CAST: variants seen among roughly 807,000 people sequenced by gnomAD.
CAST encodes calpastatin.
A neutral mutation model predicts 119.6 loss-of-function variants in CAST; 76 were observed. That is an observed-to-expected ratio of 0.64 (90% CI 0.53 to 0.77). The LOEUF (loss-of-function observed/expected upper bound fraction) is 0.77, where lower values mean the gene tolerates loss of function less well. Among genes scored for constraint, CAST ranks in the 30% least tolerant of loss-of-function variants. The probability of loss-of-function intolerance (pLI) is 0.00; values close to 1 mark genes in which losing one functional copy is unlikely to be tolerated. For missense variants in CAST, 953 were observed against 946.5 expected (o/e 1.01, Z -0.09); for synonymous variants, 319 against 331.6 (o/e 0.96, Z 0.41).
At chr5:96,368,517 A>T in the CAST span, among the ~76,000 whole-genome samples, 1 of 149,774 alleles carries the variant, frequency 6.7e-6, no homozygotes, top group Non-Finnish European at 1.5e-5. Context: ...AAAAAAAAAC[A>T]AAAAAACCTA....
the CAST span, among the ~76,000 whole-genome samples, chr5:96,062,054 C>T: frequency 1.8e-4 from 28 of 152,086 alleles, no homozygotes; most frequent in Admixed American, 1.4e-3. Context: ...CCTTGAAATC[C>T]GCATGTATTC....
At chr5:96,375,470 GA>G in the CAST span, among the ~76,000 whole-genome samples, 1 of 151,060 alleles carries the variant, frequency 6.6e-6, no homozygotes, top group Non-Finnish European at 1.5e-5. Context: ...TTACTCTTAT[GA>G]GTTTACTACA....
intron 1 of CAST, among the ~76,000 whole-genome samples, chr5:96,603,759 CTTTTTTTTTTT>C (rs70981832): frequency 6.3e-5 from 5 of 79,498 alleles, no homozygotes; most frequent in East Asian, 4.6e-4. Context: ...GTGCTGTACT[CTTTTTTTTTTT>C]TTTTTTTTTT....
the CAST span, among the ~76,000 whole-genome samples, chr5:96,233,278 A>G: frequency 6.6e-6 from 1 of 152,202 alleles, no homozygotes; most frequent in Admixed American, 6.5e-5. Context: ...TGATTCCCTA[A>G]AACTTCAGAA....
the CAST span, among the ~76,000 whole-genome samples, chr5:96,193,082 A>C: frequency 6.6e-6 from 1 of 152,184 alleles, no homozygotes; most frequent in East Asian, 1.9e-4. Flanking sequence ...GTTTAATCAG[A>C]AAATTTAAGA....
chr5:96,300,761 A>G, the CAST span, among the ~76,000 whole-genome samples: 1 of 148,604 alleles, frequency 6.7e-6, no homozygotes, highest in Non-Finnish European at 1.5e-5. Context: ...TGTGTCTTCA[A>G]TTTTTTTCAT....
the CAST span, among the ~76,000 whole-genome samples, chr5:96,511,128 C>CA: frequency 6.6e-6 from 1 of 152,040 alleles, no homozygotes; most frequent in East Asian, 1.9e-4. Flanking sequence ...AAAACACATA[C>CA]AAAAAAACAA....
chr5:96,067,108 TAAAC>T, the CAST span, among the ~76,000 whole-genome samples: 2 of 152,206 alleles, frequency 1.3e-5, no homozygotes, highest in Non-Finnish European at 2.9e-5. Context: ...ATCTGTGGGA[TAAAC>T]AAATTTATAT....
the CAST span, among the ~76,000 whole-genome samples, chr5:96,429,875 A>G: frequency 1.6e-3 from 245 of 152,260 alleles, 1 homozygote; most frequent in African/African-American, 5.7e-3. Flanking sequence ...TGATGCTTCT[A>G]TTTTACACAC....
chr5:96,088,525 G>A, the CAST span, among the ~76,000 whole-genome samples: 1 of 152,160 alleles, frequency 6.6e-6, no homozygotes, highest in African/African-American at 2.4e-5. Context: ...AGCCTGTGAA[G>A]CCCAGGATTC....
the CAST span, among the ~76,000 whole-genome samples, chr5:96,387,088 T>C: frequency 6.6e-6 from 1 of 152,302 alleles, no homozygotes; most frequent in Middle Eastern, 3.4e-3. Flanking sequence ...TATGAGTAAA[T>C]AAGGCCCAGA....
the CAST span, among the ~76,000 whole-genome samples, chr5:96,337,893 C>T: frequency 6.6e-6 from 1 of 152,188 alleles, no homozygotes; most frequent in Non-Finnish European, 1.5e-5. Context: ...TAACAGAATA[C>T]CTCTAACATT....
At chr5:96,638,379 C>G (rs1747909029) in intron 1 of CAST, among the ~76,000 whole-genome samples, 1 of 152,092 alleles carries the variant, frequency 6.6e-6, no homozygotes, top group African/African-American at 2.4e-5. Flanking sequence ...GCACTCCAGC[C>G]TAGGCAACAG....
intron 1 of CAST, among the ~76,000 whole-genome samples, chr5:96,544,708 TA>T (rs1287394191): frequency 6.6e-6 from 1 of 151,728 alleles, no homozygotes; most frequent in Non-Finnish European, 1.5e-5. Flanking sequence ...TTTAGAAAAA[TA>T]AGTGCAATGA....
At chr5:96,761,663 A>T (rs1239563537) in intron 24 of CAST, 1 of 152,300 alleles carries the variant, frequency 6.6e-6, no homozygotes, top group East Asian at 1.9e-4. Flanking sequence ...AATGAAGCAA[A>T]TATTCAATAT....
chr5:96,300,903 G>A, the CAST span, among the ~76,000 whole-genome samples: 1 of 129,662 alleles, frequency 7.7e-6, no homozygotes, highest in Non-Finnish European at 1.6e-5. Context: ...TTTTTGGAAA[G>A]TTCACGTTAA....
chr5:96,306,778 C>T, the CAST span, among the ~76,000 whole-genome samples: 2 of 152,254 alleles, frequency 1.3e-5, no homozygotes, highest in South Asian at 2.1e-4. Context: ...TTTCTGAATA[C>T]TGAGTTCCAA....
At chr5:96,049,701 T>C in the CAST span, among the ~76,000 whole-genome samples, 1 of 151,680 alleles carries the variant, frequency 6.6e-6, no homozygotes, top group African/African-American at 2.4e-5. Flanking sequence ...GAACTTGTTA[T>C]ACTTGGGATG....
At chr5:96,166,098 G>A in the CAST span, among the ~76,000 whole-genome samples, 7 of 152,208 alleles carry the variant, frequency 4.6e-5, no homozygotes, top group Non-Finnish European at 8.8e-5. Context: ...TCCACATGGC[G>A]CTCCTGAGTC....
Sources: gnomAD v4.1 joint callset for allele counts (sites outside exome capture counted in the v4.1 genomes callset) on GRCh38, gnomAD v4.1.1 for gene constraint, MANE v1.5 for transcripts, NCBI Gene and HGNC (gene_info 2026-07-23, HGNC 2026-07-21) for gene names.